The following USP22 variants were observed in gnomAD, a reference collection of about 807,000 sequenced individuals.
The protein encoded by USP22 is ubiquitin carboxyl-terminal hydrolase 22.
Under a neutral mutation model 68.1 loss-of-function variants are expected in USP22, and 22 were observed. The ratio of observed to expected loss-of-function variants is 0.32; its 90% CI spans 0.23 to 0.46. USP22 has a LOEUF of 0.46. USP22 is among the 20% of genes least tolerant of loss of function. The pLI is 1.00. For synonymous variants in USP22, 279 were observed against 274.2 expected, an observed-to-expected ratio of 1.02 and a Z score of -0.17; for missense variants, 433 against 695.8, an observed-to-expected ratio of 0.62 and a Z score of 4.25.
chr17:21,041,458 C>T (rs565035952), intron 1 of USP22, among the ~76,000 whole-genome samples: 5 of 152,002 alleles, frequency 3.3e-5, no homozygotes, highest in African/African-American at 9.6e-5. Flanking sequence ...ATTAGCCGGG[C>T]GTGGTAGCAG....
rs1914014474 is a variant in USP22 at position 21,012,920 on chromosome 17, T to C, written c.854A>G (p.Lys285Arg). ...GCAGTGGTTGGGGTTGTTGGCCTTC[T>C]TCCCATTGTCATCACCTGGAGACAG... ...HRHCKGDDNG[K>R]KANNPNHCNC... The change falls in exon 7 of 13, where the codon AAG becomes AGG. Residue 285 changes from lysine to arginine, a missense_variant. Coordinates refer to ENST00000261497, the MANE Select transcript of USP22 (RefSeq NM_015276.2). The C allele has an allele frequency of 6.2e-7, 1 of 1,614,026 alleles. No individual in the cohort carries two copies. Among genetic ancestry groups the C allele is most frequent in the Non-Finnish European group, 8.5e-7 (1 of 1,179,982 alleles).
intron 1 of USP22, among the ~76,000 whole-genome samples, chr17:21,034,469 C>A (rs1338357112): frequency 6.6e-6 from 1 of 152,214 alleles, no homozygotes; most frequent in Non-Finnish European, 1.5e-5. Flanking sequence ...CAGTTACCCA[C>A]AGTCAACCTC....
chr17:21,023,128 T>G (rs1972177441), intron 2 of USP22, among the ~76,000 whole-genome samples: 1 of 152,066 alleles, frequency 6.6e-6, no homozygotes, highest in Non-Finnish European at 1.5e-5. Flanking sequence ...GCTAAACCAT[T>G]AGAACACATG....
intron 1 of USP22, among the ~76,000 whole-genome samples, chr17:21,033,408 G>A (rs1972316200): frequency 1.3e-5 from 2 of 152,098 alleles, no homozygotes; most frequent in Admixed American, 6.5e-5. Flanking sequence ...ATTTGGTCCC[G>A]ATATTAAGAA....
intron 2 of USP22, among the ~76,000 whole-genome samples, chr17:21,024,367 CTTCT>C (rs1267012913): frequency 6.6e-6 from 1 of 152,126 alleles, no homozygotes; most frequent in Non-Finnish European, 1.5e-5. Flanking sequence ...AGATTTAGGC[CTTCT>C]TTAAGACGCC....
At chr17:21,025,638 A>G (rs1246497431) in intron 2 of USP22, among the ~76,000 whole-genome samples, 1 of 152,248 alleles carries the variant, frequency 6.6e-6, no homozygotes, top group Non-Finnish European at 1.5e-5. Flanking sequence ...TGTGGTCTAC[A>G]TAAACAATGG....
chr17:21,020,984 G>A (rs1235283321), intron 3 of USP22, 129 bp downstream of exon 3: 1 of 698,050 alleles, frequency 1.4e-6, no homozygotes, highest in Non-Finnish European at 2.5e-6. Flanking sequence ...TTAGGGGAAG[G>A]TGGGGACGGC....
At chr17:21,040,864 A>G (rs1403977153) in intron 1 of USP22, among the ~76,000 whole-genome samples, 2 of 150,256 alleles carry the variant, frequency 1.3e-5, no homozygotes, top group African/African-American at 2.5e-5. Flanking sequence ...TCCCTGTAGA[A>G]GACTGGCTTC....
intron 10 of USP22, chr17:21,006,376 T>C (rs1306394928): frequency 1.2e-5 from 1 of 84,726 alleles, no homozygotes; most frequent in Non-Finnish European, 2.7e-5. Context: ...TGAAAGTGGA[T>C]TGATAATTGT....
At chr17:21,041,301 T>TA (rs1972427602) in intron 1 of USP22, among the ~76,000 whole-genome samples, 1 of 152,024 alleles carries the variant, frequency 6.6e-6, no homozygotes, top group African/African-American at 2.4e-5. Context: ...CCATTACAGA[T>TA]AAAAAAAATT....
chr17:21,021,292 C>T, intron 2 of USP22, 66 bp from the exon 3 acceptor site: 2 of 1,090,912 alleles, frequency 1.8e-6, no homozygotes, highest in East Asian at 2.4e-5. Context: ...GGCTGGAGGG[C>T]AGAGTTAAAC....
chr17:21,007,572 T>C (rs771745782), intron 9 of USP22, among the ~76,000 whole-genome samples: 1 of 152,080 alleles, frequency 6.6e-6, no homozygotes, highest in Non-Finnish European at 1.5e-5. Context: ...ACAGAAAACC[T>C]GAGGAGGGGG....
At chr17:21,038,961 T>C (rs573455777) in intron 1 of USP22, among the ~76,000 whole-genome samples, 1 of 152,180 alleles carries the variant, frequency 6.6e-6, no homozygotes, top group Admixed American at 6.5e-5. Flanking sequence ...ATAGTTTTTT[T>C]CTTTTTTTTT....
At chr17:21,033,529 C>T (rs753279589) in intron 1 of USP22, among the ~76,000 whole-genome samples, 2 of 152,026 alleles carry the variant, frequency 1.3e-5, no homozygotes, top group African/African-American at 4.8e-5. Flanking sequence ...CCAGACTTAC[C>T]CTATGGGATG....
At chr17:21,041,833 C>T (rs1328771645) in intron 1 of USP22, among the ~76,000 whole-genome samples, 1 of 152,262 alleles carries the variant, frequency 6.6e-6, no homozygotes, top group Non-Finnish European at 1.5e-5. Flanking sequence ...CTGCGGGACG[C>T]AAGACTGGGC....
intron 3 of USP22, among the ~76,000 whole-genome samples, chr17:21,020,106 T>C (rs1269828124): frequency 1.3e-5 from 2 of 152,146 alleles, no homozygotes; most frequent in East Asian, 3.9e-4. Flanking sequence ...GGTGTCAGGT[T>C]CATATGTTTC....
At chr17:21,034,443 C>G (rs1278645152) in intron 1 of USP22, among the ~76,000 whole-genome samples, 3 of 152,198 alleles carry the variant, frequency 2.0e-5, no homozygotes, top group Non-Finnish European at 4.4e-5. Flanking sequence ...ACCTACAGTT[C>G]CGCTTGCTGT....
At chr17:21,034,497 A>G (rs1423846352) in intron 1 of USP22, among the ~76,000 whole-genome samples, 1 of 152,222 alleles carries the variant, frequency 6.6e-6, no homozygotes, top group Non-Finnish European at 1.5e-5. Context: ...AAATAGTAAC[A>G]TGGAAATGCC....
rs1913962496 is a variant in USP22 at position 21,011,255 on chromosome 17, G to A, written c.999C>T (p.Gly333=). 3 of 1,593,970 alleles carry A rather than the reference G, an allele frequency of 1.9e-6. No homozygotes were observed. The highest frequency in any genetic ancestry group is 2.6e-6 in the Non-Finnish European group (3 of 1,169,906). ...TCAGGGGCCAGAATGGGGTGGAAGA[G>A]CCGGGGAGATCCAAGCTGATGTCCC... is the stretch of plus-strand genomic sequence containing the variant. ...PFWDISLDLP[G]SSTPFWPLSP... The change falls in exon 8 of 13, where the codon GGC becomes GGT. Residue 333 remains glycine (G), a synonymous_variant. Transcript: ENST00000261497.
Sources: gnomAD v4.1 joint callset for allele counts (sites outside exome capture counted in the v4.1 genomes callset) on GRCh38, gnomAD v4.1.1 for gene constraint, MANE v1.5 for transcripts, NCBI Gene and HGNC (gene_info 2026-07-23, HGNC 2026-07-21) for gene names.